CNTN4: variants seen among roughly 807,000 people sequenced by gnomAD.
CNTN4 encodes contactin 4.
A neutral mutation model predicts 122.5 loss-of-function variants in CNTN4; 77 were observed. The observed-to-expected ratio is 0.63, with a 90% CI of 0.52 to 0.76. CNTN4 has a LOEUF of 0.76. Ranked by LOEUF, CNTN4 falls within the 30% of genes least tolerant of loss-of-function variation. The pLI is 0.00. For missense variants in CNTN4, 1,256 were observed against 1,259.1 expected (o/e 1.00, Z 0.04); for synonymous variants, 512 against 447.0 (o/e 1.15, Z -1.83).
At chr3:2,106,150 C>G (rs763093187) in intron 2 of CNTN4, among the ~76,000 whole-genome samples, 7 of 152,364 alleles carry the variant, frequency 4.6e-5, no homozygotes, top group Non-Finnish European at 1.0e-4. Context: ...CTACAGCTCC[C>G]CTCCCAACTG....
At chr3:2,210,429 A>T (rs2038563838) in intron 2 of CNTN4, among the ~76,000 whole-genome samples, 1 of 152,144 alleles carries the variant, frequency 6.6e-6, no homozygotes, top group Non-Finnish European at 1.5e-5. Context: ...GTCTGCCTAA[A>T]TCACCAAGTT....
intron 2 of CNTN4, among the ~76,000 whole-genome samples, chr3:2,202,118 A>G (rs1278987395): frequency 6.6e-6 from 1 of 152,156 alleles, no homozygotes; most frequent in Non-Finnish European, 1.5e-5. Flanking sequence ...TGAAGGAATT[A>G]TGACACCCCC....
intron 2 of CNTN4, among the ~76,000 whole-genome samples, chr3:2,164,710 C>A (rs1304109886): frequency 6.6e-6 from 1 of 152,072 alleles, no homozygotes; most frequent in Admixed American, 6.5e-5. Context: ...TGCTAGTGGA[C>A]AATGCAACAT....
At chr3:2,520,567 T>A (rs1418113520) in intron 3 of CNTN4, among the ~76,000 whole-genome samples, 3 of 151,986 alleles carry the variant, frequency 2.0e-5, no homozygotes, top group Non-Finnish European at 4.4e-5. Flanking sequence ...AGTCACCACA[T>A]CCAGCCCTTT....
chr3:2,635,042 A>T (rs919690541), intron 4 of CNTN4, among the ~76,000 whole-genome samples: 17 of 152,192 alleles, frequency 1.1e-4, no homozygotes, highest in African/African-American at 3.9e-4. Flanking sequence ...CAAGACAGAT[A>T]TCTCGGAACC....
chr3:2,450,974 G>A (rs751553968), intron 3 of CNTN4, among the ~76,000 whole-genome samples: 1 of 152,166 alleles, frequency 6.6e-6, no homozygotes, highest in Non-Finnish European at 1.5e-5. Context: ...CCTTTCCCTA[G>A]GGAACAAGTG....
intron 6 of CNTN4, among the ~76,000 whole-genome samples, chr3:2,793,619 C>T (rs145923659): frequency 8.2e-4 from 125 of 152,230 alleles, no homozygotes; most frequent in African/African-American, 2.9e-3. Context: ...TTGATAGTAT[C>T]ATTTCTTAAT....
intron 7 of CNTN4, among the ~76,000 whole-genome samples, chr3:2,851,857 G>GA (rs1378173282): frequency 1.1e-4 from 16 of 152,052 alleles, no homozygotes; most frequent in Non-Finnish European, 1.3e-4. Flanking sequence ...AAAAGAAGAA[G>GA]AAAAAATAAT....
At chr3:2,245,752 C>A (rs957283454) in intron 2 of CNTN4, among the ~76,000 whole-genome samples, 2 of 151,936 alleles carry the variant, frequency 1.3e-5, no homozygotes, top group African/African-American at 4.8e-5. Context: ...ATTTTATTCT[C>A]ATTGGTCACA....
chr3:2,477,662 GA>G lies in CNTN4; in HGVS notation c.-88-93750del, dbSNP rs2075870052. ...TATAGTTCTTGAAATCTAGCAAAGTGAAAATTCAAAAGCAAAGAAGTACATA... is the reference window on the plus strand; with the variant it reads ...TATAGTTCTTGAAATCTAGCAAAGTGAAATTCAAAAGCAAAGAAGTACATA... On this transcript the variant is annotated intron_variant, in intron 3 of 24. Transcript: ENST00000418658. Among the ~76,000 whole-genome samples the G allele has an allele frequency of 3.9e-5, 6 of 152,296 alleles. No homozygotes were observed. In the South Asian group the frequency reaches 1.2e-3, roughly 32 times the overall value.
chr3:2,617,867 G>A (rs913226783), intron 4 of CNTN4, among the ~76,000 whole-genome samples: 1 of 152,222 alleles, frequency 6.6e-6, no homozygotes, highest in Non-Finnish European at 1.5e-5. Flanking sequence ...TTGGAAATGG[G>A]CAAACACTTG....
intron 23 of CNTN4, among the ~76,000 whole-genome samples, chr3:3,048,032 C>A (rs532318645): frequency 6.6e-6 from 1 of 152,160 alleles, no homozygotes; most frequent in Non-Finnish European, 1.5e-5. Flanking sequence ...CCAGCTCAGT[C>A]ACTCCCCCTT....
chr3:2,889,588 T>C (rs116527899), intron 10 of CNTN4, among the ~76,000 whole-genome samples: 2,339 of 152,316 alleles, frequency 0.015, 76 homozygotes, highest in African/African-American at 0.053. Context: ...AATTATTTTT[T>C]CTATATCAGA....
chr3:2,402,820 A>G (rs1372448432), intron 3 of CNTN4, among the ~76,000 whole-genome samples: 1 of 152,144 alleles, frequency 6.6e-6, no homozygotes, highest in Admixed American at 6.6e-5. Context: ...TAATATACCT[A>G]AAGTATATGA....
chr3:2,567,537 G>C (rs1687574360), intron 3 of CNTN4, among the ~76,000 whole-genome samples: 1 of 152,124 alleles, frequency 6.6e-6, no homozygotes, highest in Non-Finnish European at 1.5e-5. Flanking sequence ...TTTCAACTTT[G>C]TGCCAGTACC....
rs1353408805 is a variant in CNTN4, at chr3:2,684,837, T to G, written c.56-51378T>G. ...TGTATGAACATCTCATTGTACAGATTAAAATGATAAAAGGAATCGGGAGTG... is the reference window on the plus strand; with the variant it reads ...TGTATGAACATCTCATTGTACAGATGAAAATGATAAAAGGAATCGGGAGTG... On this transcript the variant is annotated intron_variant, in intron 4 of 24. Coordinates refer to ENST00000418658, the MANE Select transcript of CNTN4 (RefSeq NM_175607.3). 2.0e-5 allele frequency among the ~76,000 whole-genome samples: 3 copies of G among 152,166 alleles called. No individual in the cohort carries two copies. In the East Asian group the frequency reaches 5.8e-4, roughly 29 times the overall value.
At chr3:2,961,564 T>C (rs1012189865) in intron 13 of CNTN4, among the ~76,000 whole-genome samples, 1 of 152,132 alleles carries the variant, frequency 6.6e-6, no homozygotes, top group Non-Finnish European at 1.5e-5. Flanking sequence ...ATATTTTTAT[T>C]TTCCTCACTG....
At chr3:2,720,523 G>A (rs145670135) in intron 4 of CNTN4, among the ~76,000 whole-genome samples, 1 of 152,112 alleles carries the variant, frequency 6.6e-6, no homozygotes, top group Non-Finnish European at 1.5e-5. Flanking sequence ...GGAAAGATGT[G>A]CTTGCTCACT....
intron 3 of CNTN4, among the ~76,000 whole-genome samples, chr3:2,408,914 T>C (rs2047130374): frequency 6.6e-6 from 1 of 152,220 alleles, no homozygotes; most frequent in South Asian, 2.1e-4. Flanking sequence ...TTTTAAGATA[T>C]TAAATTTTTG....
Sources: allele counts gnomAD v4.1 joint callset (sites outside exome capture counted in the v4.1 genomes callset), GRCh38; gene constraint gnomAD v4.1.1; transcripts MANE v1.5; gene names NCBI Gene and HGNC (gene_info 2026-07-23, HGNC 2026-07-21).